KDM2A: variants seen among roughly 807,000 people sequenced by gnomAD.
The protein encoded by KDM2A is lysine-specific demethylase 2A.
In KDM2A, 3 loss-of-function variants were observed where a neutral mutation model predicts 137.3. That is an observed-to-expected ratio of 0.02 (90% CI 0.01 to 0.06). KDM2A has a LOEUF of 0.06. Among genes scored for constraint, KDM2A ranks in the 10% least tolerant of loss-of-function variants. The probability of loss-of-function intolerance (pLI) is 1.00; values close to 1 mark genes in which losing one functional copy is unlikely to be tolerated. For missense variants in KDM2A, 738 were observed against 1,510.6 expected, an observed-to-expected ratio of 0.49 and a Z score of 8.48; for synonymous variants, 512 against 541.5, an observed-to-expected ratio of 0.95 and a Z score of 0.76.
At chr11:67,207,783 G>C in intron 6 of KDM2A, 95 bp downstream of exon 6, 1 of 912,272 alleles carries the variant, frequency 1.1e-6, no homozygotes, top group South Asian at 2.1e-5. Context: ...CCAGCACTTT[G>C]GGAGGCCAAG....
chr11:67,215,771 AT>A, intron 7 of KDM2A, 84 bp from the exon 8 acceptor site: 2 of 923,302 alleles, frequency 2.2e-6, no homozygotes, highest in Non-Finnish European at 1.8e-6. Context: ...TAAAGGGAGT[AT>A]ATAAGAGGAG....
Position 67,248,317 on chromosome 11 carries a change from A to C in KDM2A, c.2002A>C (p.Asn668His). 6.2e-7 allele frequency: 1 copy of C among 1,608,912 alleles called. No homozygotes were observed. Among genetic ancestry groups the C allele is most frequent in the Non-Finnish European group, 8.5e-7 (1 of 1,177,602 alleles). Residue 668 changes from asparagine to histidine, a missense_variant, in exon 16 of 21, where the codon AAT becomes CAT. Transcript: ENST00000529006. Reference protein sequence around the residue: ...GEGLLNEELPNCWECPKCYQE... With the variant: ...GEGLLNEELPHCWECPKCYQE... ...GGGGTTGCTTAACGAAGAATTGCCA[A>C]ATTGCTGGGAATGTCCAAAGTGCTA...
At chr11:67,165,124 CTT>C (rs904019221) in intron 2 of KDM2A, among the ~76,000 whole-genome samples, 2 of 142,934 alleles carry the variant, frequency 1.4e-5, no homozygotes. Flanking sequence ...AGAATACCAA[CTT>C]TTTTTTTTTT....
chr11:67,215,640 A>AG lies in KDM2A; in HGVS notation c.593+196dup, dbSNP rs1018930772. 4.8e-6 allele frequency: 3 copies of AG among 620,662 alleles called. No individual in the cohort carries two copies. The African/African-American group carries it at 5.5e-5, about 11-fold the overall frequency. The allele number at this position is 620,662 out of a possible 1,614,324, so 38.4% of individuals were successfully genotyped here. A position where few individuals can be genotyped will look rare whatever the true frequency, so the allele number is the denominator to read the frequency against. On this transcript the variant is annotated intron_variant, in intron 7 of 20. Transcript: ENST00000529006. ...CCATAGCACACAACCACACAGTTAA[A>AG]GGAAAAAAAACTTACATTTTAGTCA... is the stretch of plus-strand genomic sequence containing the variant.
intron 5 of KDM2A, among the ~76,000 whole-genome samples, chr11:67,194,396 A>G (rs1356793692): frequency 6.6e-6 from 1 of 152,208 alleles, no homozygotes; most frequent in African/African-American, 2.4e-5. Context: ...TCTGAGGCGT[A>G]GGTCCTCCTG....
chr11:67,245,301 C>T lies in KDM2A; in HGVS notation c.1676C>T (p.Pro559Leu), dbSNP rs774521256. The T allele has an allele frequency of 1.2e-5, 19 of 1,614,026 alleles. No homozygotes were observed. Among genetic ancestry groups the T allele is most frequent in the East Asian group, 2.2e-5 (1 of 44,886 alleles). ...CCTGTGAGGCCAGCTGCTGCCTCCC[C>T]GATTGTGTCAGGAGCCAGACGGAGA... ...LTPVRPAAAS[P>L]IVSGARRRRV... The change falls in exon 14 of 21, where the codon CCG becomes CTG. Residue 559 changes from proline (P) to leucine (L), a missense_variant. Physicochemically the swap from Pro to Leu is moderately conservative, Grantham distance 98. Around this residue, in one of 9 missense-constraint regions of KDM2A, gnomAD observed 71 missense variants for 147.9 expected, o/e 0.48. Coordinates refer to ENST00000529006, the MANE Select transcript of KDM2A (RefSeq NM_012308.3). This position sits in a 1 kb window ranked among gnomAD's most constrained non-coding sequence, Gnocchi z 4.1.
In KDM2A at chr11:67,250,963, G is replaced by T. The variant is rs1340671465; in HGVS notation, c.2768+165G>T. Among the ~76,000 whole-genome samples the T allele has an allele frequency of 1.3e-5, 2 of 152,194 alleles. No homozygotes were observed. Among genetic ancestry groups the T allele is most frequent in the Non-Finnish European group, 2.9e-5 (2 of 68,032 alleles). On this transcript the variant is annotated intron_variant, in intron 17 of 20. Coordinates refer to ENST00000529006, the MANE Select transcript of KDM2A (RefSeq NM_012308.3). The surrounding 1 kb of genome is among the most constrained non-coding windows in gnomAD (Gnocchi z 7.1). ...TGGGTCCTGTTTAAAGATGTAGCCT[G>T]TTGTACCCGCAGATGTCATTAGGGA...
intron 11 of KDM2A, among the ~76,000 whole-genome samples, chr11:67,229,543 C>G (rs74952667): frequency 0.039 from 5,914 of 152,208 alleles, 456 homozygotes; most frequent in Admixed American, 0.18. Context: ...ACTTTTACTG[C>G]ATAATTTTAC....
chr11:67,206,131 G>T (rs1263236178), intron 5 of KDM2A, among the ~76,000 whole-genome samples: 1 of 152,192 alleles, frequency 6.6e-6, no homozygotes. Flanking sequence ...TAGGAGCTGA[G>T]ATTTAAACTT....
chr11:67,137,887 TC>T (rs1362742290), intron 2 of KDM2A, among the ~76,000 whole-genome samples: 1 of 152,082 alleles, frequency 6.6e-6, no homozygotes, highest in African/African-American at 2.4e-5. Flanking sequence ...AACCTCTGCC[TC>T]CCAGGTTCAA....
chr11:67,173,432 AT>A (rs1455688396), intron 2 of KDM2A, among the ~76,000 whole-genome samples: 1 of 151,162 alleles, frequency 6.6e-6, no homozygotes, highest in Non-Finnish European at 1.5e-5. Context: ...TAATTTTTGT[AT>A]TTTTAGTAGA....
chr11:67,147,973 G>A (rs988251270), intron 2 of KDM2A, among the ~76,000 whole-genome samples: 3 of 152,018 alleles, frequency 2.0e-5, no homozygotes, highest in East Asian at 1.9e-4. Context: ...TGCCACGCCC[G>A]GCCCTCATTA....
intron 5 of KDM2A, among the ~76,000 whole-genome samples, chr11:67,188,863 G>C (rs1857274899): frequency 6.6e-6 from 1 of 151,078 alleles, no homozygotes; most frequent in Non-Finnish European, 1.5e-5. Context: ...ATAGCAAGAA[G>C]ATATAACAAT....
chr11:67,130,886 G>GGA (rs1360267467), intron 2 of KDM2A, among the ~76,000 whole-genome samples: 1 of 149,140 alleles, frequency 6.7e-6, no homozygotes, highest in South Asian at 2.1e-4. Flanking sequence ...TTTTAATTAT[G>GGA]GAGAGAGAGG....
intron 5 of KDM2A, among the ~76,000 whole-genome samples, chr11:67,201,257 C>T (rs1000197694): frequency 2.0e-5 from 3 of 150,116 alleles, no homozygotes; most frequent in African/African-American, 7.4e-5. Context: ...TTTCATAAGG[C>T]TATAGCTGAC....
intron 2 of KDM2A, among the ~76,000 whole-genome samples, chr11:67,122,315 G>T (rs1021672053): frequency 1.3e-5 from 2 of 152,118 alleles, no homozygotes; most frequent in Admixed American, 6.6e-5. Context: ...TTTGAGAAGA[G>T]ACTTCTTTAT....
chr11:67,153,909 CTGT>C (rs1412727290), intron 2 of KDM2A, among the ~76,000 whole-genome samples: 1 of 149,960 alleles, frequency 6.7e-6, no homozygotes, highest in Non-Finnish European at 1.5e-5. Context: ...TTAAAATTTT[CTGT>C]TGTTTTTGGC....
chr11:67,249,677 G>A (rs1324574916), intron 16 of KDM2A, among the ~76,000 whole-genome samples: 1 of 152,144 alleles, frequency 6.6e-6, no homozygotes, highest in East Asian at 1.9e-4. Flanking sequence ...AGTGGAAGAC[G>A]CAGCCTGGTG....
chr11:67,207,053 A>T (rs989720540), intron 5 of KDM2A, among the ~76,000 whole-genome samples: 4 of 152,208 alleles, frequency 2.6e-5, no homozygotes, highest in Non-Finnish European at 4.4e-5. Flanking sequence ...GTTACCCACT[A>T]AATTATGGAT....
Sources: gnomAD v4.1 joint callset for allele counts (sites outside exome capture counted in the v4.1 genomes callset) on GRCh38, gnomAD v4.1.1 for gene constraint, gnomAD v4.1.1 regional missense constraint, Gnocchi (gnomAD v3.1) non-coding constraint, MANE v1.5 for transcripts, NCBI Gene and HGNC (gene_info 2026-07-23, HGNC 2026-07-21) for gene names.